OSMR: variants seen among roughly 807,000 people sequenced by gnomAD.
OSMR encodes oncostatin-M-specific receptor subunit beta.
OSMR carries 81 observed loss-of-function variants against 99.9 expected under a neutral mutation model. That is an observed-to-expected ratio of 0.81 (90% CI 0.68 to 0.97). The LOEUF is 0.97. OSMR is among the 50% of genes least tolerant of loss of function. OSMR has a pLI of 0.00. For synonymous variants in OSMR, 406 were observed against 410.4 expected, an observed-to-expected ratio of 0.99 and a Z score of 0.13; for missense variants, 1,099 against 1,153.4, an observed-to-expected ratio of 0.95 and a Z score of 0.68.
chr5:38,906,223 A>G (rs749340443), intron 9 of OSMR, among the ~76,000 whole-genome samples: 1 of 152,052 alleles, frequency 6.6e-6, no homozygotes, highest in Non-Finnish European at 1.5e-5. Context: ...TAAAAAGGGA[A>G]GATGGCAAAA....
At chr5:38,940,945 TA>T (rs1268838527) in intron 1 of OSMR, 1 of 232,434 alleles carries the variant, frequency 4.3e-6, no homozygotes, top group Non-Finnish European at 8.5e-6. Context: ...ACAAATGAAT[TA>T]AAAAAGAATC....
intron 2 of OSMR, among the ~76,000 whole-genome samples, chr5:38,871,572 A>T (rs1365636558): frequency 6.6e-6 from 1 of 152,232 alleles, no homozygotes; most frequent in Non-Finnish European, 1.5e-5. Context: ...TAATTTCTCC[A>T]ATCAACGAGG....
intron 1 of OSMR, among the ~76,000 whole-genome samples, chr5:38,867,119 C>T (rs1414587813): frequency 6.6e-6 from 1 of 152,190 alleles, no homozygotes; most frequent in Admixed American, 6.5e-5. Context: ...GTCCCTCCCT[C>T]AGTGTATTCT....
chr5:38,883,169 G>A (rs1743430936), intron 4 of OSMR, among the ~76,000 whole-genome samples: 3 of 152,208 alleles, frequency 2.0e-5, no homozygotes, highest in African/African-American at 7.2e-5. Flanking sequence ...CAAAAAATCA[G>A]CTGGGTGTGG....
intron 2 of OSMR, chr5:38,944,446 G>A (rs925027853): frequency 1.3e-6 from 2 of 1,597,926 alleles, no homozygotes; most frequent in African/African-American, 1.4e-5. Context: ...GTTTACTCAC[G>A]TTAAAAGCCC....
intron 3 of OSMR, 149 bp from the exon 4 acceptor site, chr5:38,881,444 G>A: frequency 6.5e-7 from 1 of 1,539,980 alleles, no homozygotes; most frequent in Non-Finnish European, 8.7e-7. Context: ...ATCAGAACAT[G>A]GGGAATTGAC....
chr5:38,904,201 TTGAA>T (rs1745071987), intron 8 of OSMR, 148 bp from the exon 9 acceptor site: 53 of 1,524,838 alleles, frequency 3.5e-5, no homozygotes, highest in Non-Finnish European at 4.7e-5. Flanking sequence ...GAAATGGGCC[TTGAA>T]GATTTTTTTC....
intron 7 of OSMR, chr5:38,903,582 G>A (rs111329125): frequency 4.5e-4 from 71 of 157,854 alleles, no homozygotes; most frequent in South Asian, 8.1e-4. Context: ...AAAATTCTCC[G>A]CTGTGGGCCA....
Position 38,872,084 on chromosome 5 carries a change from C to G in OSMR, c.73+2967C>G, listed in dbSNP as rs188277995. ...TGATTGTGCGGCTGTGGCAAAGTCA[C>G]TTCCCATTTTTTAACCTCAATTTCC... On this transcript the variant is annotated intron_variant, in intron 2 of 17. Coordinates refer to ENST00000274276, the MANE Select transcript of OSMR (RefSeq NM_003999.3). 4.6e-5 allele frequency among the ~76,000 whole-genome samples: 7 copies of G among 152,294 alleles called. No homozygotes were observed. In the East Asian group the frequency reaches 1.4e-3, roughly 29 times the overall value.
intron 14 of OSMR, 45 bp downstream of exon 14, chr5:38,924,640 A>C: frequency 7.3e-5 from 103 of 1,416,454 alleles, no homozygotes; most frequent in Non-Finnish European, 9.6e-5. Flanking sequence ...TCAAGATCTC[A>C]TTATTTGAAA....
intron 3 of OSMR, among the ~76,000 whole-genome samples, chr5:38,877,493 G>A (rs1210062335): frequency 6.6e-6 from 1 of 152,170 alleles, no homozygotes; most frequent in Non-Finnish European, 1.5e-5. Flanking sequence ...TTCAACAACA[G>A]CAATACTTCT....
At chr5:38,883,761 A>G in intron 4 of OSMR, 66 bp from the exon 5 acceptor site, 1 of 1,610,594 alleles carries the variant, frequency 6.2e-7, no homozygotes, top group South Asian at 1.1e-5. Context: ...AGGCAAATGG[A>G]TAACTTGTTT....
At position 38,942,324 on chromosome 5, in the gene OSMR, C is replaced by G. The variant is rs150691391; in HGVS notation, c.75-1877C>G. 6.3e-7 allele frequency: 1 copy of G among 1,596,840 alleles called. No homozygotes were observed. The highest frequency in any genetic ancestry group is 1.3e-5 in the African/African-American group (1 of 74,714). ...TGAGGTCAGGATTCAGCAGATGTAT[C>G]AACTATAGGTTGCTTTGGTGGTGTT... On this transcript the variant is annotated intron_variant and NMD_transcript_variant, in intron 1 of 2. Transcript: ENST00000508882.
chr5:38,904,869 A>G (rs984882949), intron 9 of OSMR, among the ~76,000 whole-genome samples: 1 of 152,212 alleles, frequency 6.6e-6, no homozygotes, highest in Admixed American at 6.5e-5. Context: ...CTCATCCTAA[A>G]CAACTTGAGG....
intron 4 of OSMR, 90 bp from the exon 5 acceptor site, chr5:38,883,737 A>C (rs1023154720): frequency 4.9e-5 from 78 of 1,604,352 alleles, no homozygotes; most frequent in Non-Finnish European, 6.4e-5. Context: ...GAAAAAGCTA[A>C]AGTTATCTGC....
chr5:38,917,400 G>A, intron 9 of OSMR, 146 bp from the exon 10 acceptor site: 1 of 1,460,380 alleles, frequency 6.8e-7, no homozygotes. Flanking sequence ...GGACCAGTGG[G>A]TAGAAGTCAT....
intron 10 of OSMR, 106 bp from the exon 11 acceptor site, chr5:38,918,734 G>A (rs964192586): frequency 2.0e-6 from 3 of 1,537,486 alleles, no homozygotes; most frequent in Non-Finnish European, 1.8e-6. Context: ...ATTTTCTGGT[G>A]TGTGCGTATA....
chr5:38,928,865 T>C (rs1746592318), intron 15 of OSMR, among the ~76,000 whole-genome samples: 1 of 152,184 alleles, frequency 6.6e-6, no homozygotes, highest in Non-Finnish European at 1.5e-5. Flanking sequence ...ATTTTCAGGT[T>C]AGTTTTATTC....
At chr5:38,887,020 A>G (rs989576629) in intron 7 of OSMR, among the ~76,000 whole-genome samples, 2 of 152,186 alleles carry the variant, frequency 1.3e-5, no homozygotes, top group African/African-American at 4.8e-5. Flanking sequence ...ATGGCTATAA[A>G]ATGGTATTTC....
Sources: gnomAD v4.1 joint callset for allele counts (sites outside exome capture counted in the v4.1 genomes callset) on GRCh38, gnomAD v4.1.1 for gene constraint, MANE v1.5 for transcripts, NCBI Gene and HGNC (gene_info 2026-07-23, HGNC 2026-07-21) for gene names.